DMD: variants seen among roughly 807,000 people sequenced by gnomAD.
The protein encoded by DMD is dystrophin, also known as mutant dystrophin.
In DMD, 63 loss-of-function variants were observed where a neutral mutation model predicts 330.1. The observed-to-expected ratio is 0.19, with a 90% CI of 0.16 to 0.24. The LOEUF is 0.24. Among genes scored for constraint, DMD ranks in the 10% least tolerant of loss-of-function variants. The pLI is 1.00. For missense variants in DMD, 3,344 were observed against 2,684.1 expected, an observed-to-expected ratio of 1.25 and a Z score of -5.43; for synonymous variants, 1,223 against 959.8, an observed-to-expected ratio of 1.27 and a Z score of -5.07.
intron 7 of DMD, among the ~76,000 whole-genome samples, chrX:32,800,935 T>G (rs1435353567): frequency 8.9e-6 from 1 of 111,803 alleles, no homozygotes; most frequent in Admixed American, 9.5e-5. Flanking sequence ...CAAATTTTCT[T>G]TATCCAGTCT....
At chrX:31,710,858 C>T (rs182062996) in intron 52 of DMD, among the ~76,000 whole-genome samples, 14 of 111,262 alleles carry the variant, frequency 1.3e-4, no homozygotes, top group Middle Eastern at 4.7e-3. Context: ...TCAATGACCT[C>T]TTTATGCAGT....
At chrX:32,472,632 G>C (rs1227572924) in intron 21 of DMD, among the ~76,000 whole-genome samples, 1 of 110,796 alleles carries the variant, frequency 9.0e-6, no homozygotes, top group African/African-American at 3.3e-5. Flanking sequence ...AATTGCCCAA[G>C]GTGATACAGA....
chrX:31,376,340 T>A (rs2148689042), intron 60 of DMD, among the ~76,000 whole-genome samples: 1 of 112,458 alleles, frequency 8.9e-6, no homozygotes, highest in Non-Finnish European at 1.9e-5. Flanking sequence ...TTGACAGATA[T>A]AATGATGTGC....
Position 31,378,997 on chromosome X carries a change from G to T in DMD, c.9085-30363C>A, listed in dbSNP as rs931086791. Among the ~76,000 whole-genome samples the T allele has an allele frequency of 4.5e-5, 5 of 110,491 alleles. No individual in the cohort carries two copies. The Admixed American group carries it at 4.8e-4, about 11-fold the overall frequency. On this transcript the variant is annotated intron_variant, in intron 60 of 78. Transcript: ENST00000357033. ...AATTCTTGTCATAAAATAGGCAAACGGTCTGAGGTGCCTGATGTCCAGGCA... is the reference window on the plus strand; with the variant it reads ...AATTCTTGTCATAAAATAGGCAAACTGTCTGAGGTGCCTGATGTCCAGGCA...
chrX:32,752,528 C>T (rs1341664737), intron 7 of DMD, among the ~76,000 whole-genome samples: 1 of 106,072 alleles, frequency 9.4e-6, no homozygotes, highest in Non-Finnish European at 1.9e-5. Context: ...GGCTCACAGG[C>T]AGAAGGAAAT....
chrX:32,281,817 TAG>T (rs1416231583), intron 43 of DMD, among the ~76,000 whole-genome samples: 1 of 111,991 alleles, frequency 8.9e-6, no homozygotes, highest in Non-Finnish European at 1.9e-5. Context: ...CTAATTTTTT[TAG>T]AGGTTTCTTT....
At chrX:33,130,688 G>T (rs914072024) in intron 1 of DMD, among the ~76,000 whole-genome samples, 2 of 109,764 alleles carry the variant, frequency 1.8e-5, no homozygotes, top group African/African-American at 6.7e-5. Context: ...CGGAGCAGCT[G>T]GGACTACCAT....
At chrX:32,686,329 G>C (rs772116332) in intron 9 of DMD, among the ~76,000 whole-genome samples, 1 of 110,468 alleles carries the variant, frequency 9.1e-6, no homozygotes, top group South Asian at 3.8e-4. Flanking sequence ...TGGCCAAGGC[G>C]GCTGGATCAC....
chrX:31,245,293 G>A (rs191049150), intron 63 of DMD, among the ~76,000 whole-genome samples: 7 of 111,557 alleles, frequency 6.3e-5, no homozygotes, highest in South Asian at 3.8e-4. Flanking sequence ...TTAATAATCC[G>A]CCTTAGAAAA....
In DMD at chrX:33,128,135, GC is replaced by G. The variant is rs762090635; in HGVS notation, c.31+83146del. 13 of 1,205,783 alleles carry G rather than the reference GC, an allele frequency of 1.1e-5. No homozygotes were observed. The East Asian group carries it at 2.4e-4, about 22-fold the overall frequency. On this transcript the variant is annotated intron_variant, in intron 1 of 78. Coordinates refer to ENST00000357033, the MANE Select transcript of DMD (RefSeq NM_004006.3). Reference sequence around the variant, plus strand: ...TGAATGGCTGTTGCATTTATCTGCAGCTTTTACTCACCAGATGAGACCTCAG... The same window carrying G: ...TGAATGGCTGTTGCATTTATCTGCAGTTTTACTCACCAGATGAGACCTCAG...
chrX:33,289,511 GTGTT>G (rs1038572434), intron 1 of DMD, among the ~76,000 whole-genome samples: 8 of 111,571 alleles, frequency 7.2e-5, no homozygotes, highest in South Asian at 7.3e-4. Flanking sequence ...TATTTTTTAA[GTGTT>G]TGTTTGACAA....
chrX:31,756,769 T>C (rs1056476158), intron 51 of DMD, among the ~76,000 whole-genome samples: 3 of 112,604 alleles, frequency 2.7e-5, no homozygotes, highest in South Asian at 3.6e-4. Context: ...CAAAAGGAAG[T>C]GTTTGAAGGC....
chrX:32,607,104 G>C (rs1381437161), intron 12 of DMD, among the ~76,000 whole-genome samples: 2 of 110,003 alleles, frequency 1.8e-5, no homozygotes, highest in African/African-American at 6.6e-5. Context: ...ATATATCCAT[G>C]TAACAAACCT....
intron 7 of DMD, among the ~76,000 whole-genome samples, chrX:32,736,283 T>C (rs964686840): frequency 9.0e-6 from 1 of 111,165 alleles, no homozygotes; most frequent in Non-Finnish European, 1.9e-5. Context: ...CTGGAGAGGA[T>C]GTGGAGAAAT....
At chrX:32,354,679 AATAG>A (rs765615238) in intron 37 of DMD, among the ~76,000 whole-genome samples, 2 of 111,693 alleles carry the variant, frequency 1.8e-5, no homozygotes, top group East Asian at 2.8e-4. Flanking sequence ...TTCTTTTGAG[AATAG>A]ATAAAGTACT....
intron 11 of DMD, 69 bp downstream of exon 11, chrX:32,644,063 C>G (rs932588931): frequency 2.1e-6 from 2 of 958,787 alleles, no homozygotes; most frequent in Non-Finnish European, 1.5e-6. Context: ...AACCATCAAA[C>G]CACATCAAAA....
intron 1 of DMD, among the ~76,000 whole-genome samples, chrX:33,242,165 C>T (rs1275097957): frequency 9.0e-6 from 1 of 111,417 alleles, no homozygotes; most frequent in African/African-American, 3.3e-5. Context: ...GATTGCATGA[C>T]TAAGTTCTTT....
chrX:31,494,303 A>C (rs1227490025), intron 57 of DMD, among the ~76,000 whole-genome samples: 1 of 111,347 alleles, frequency 9.0e-6, no homozygotes, highest in Non-Finnish European at 1.9e-5. Context: ...ATATTTAGCT[A>C]GAGTTTTGGA....
chrX:31,212,576 T>C (rs1256703301), intron 64 of DMD, among the ~76,000 whole-genome samples: 1 of 111,634 alleles, frequency 9.0e-6, no homozygotes, highest in Non-Finnish European at 1.9e-5. Flanking sequence ...TTCCTTTCTA[T>C]GTATGCCACA....
Sources: gnomAD v4.1 joint callset for allele counts (sites outside exome capture counted in the v4.1 genomes callset) on GRCh38, gnomAD v4.1.1 for gene constraint, MANE v1.5 for transcripts, NCBI Gene and HGNC (gene_info 2026-07-23, HGNC 2026-07-21) for gene names.